The following FAM199X variants were observed in gnomAD, a reference collection of about 807,000 sequenced individuals.
FAM199X encodes protein FAM199X.
In FAM199X, 4 loss-of-function variants were observed where a neutral mutation model predicts 22.9. The ratio of observed to expected loss-of-function variants is 0.17; its 90% CI spans 0.09 to 0.40. The LOEUF is 0.40. FAM199X is among the 10% of genes least tolerant of loss of function. The probability of loss-of-function intolerance (pLI) is 1.00; values close to 1 mark genes in which losing one functional copy is unlikely to be tolerated. For synonymous variants in FAM199X, 101 were observed against 112.3 expected (o/e 0.90, Z 0.64); for missense variants, 183 against 306.8 (o/e 0.60, Z 3.01).
chrX:104,159,665 G>C, the FAM199X span, among the ~76,000 whole-genome samples: 1 of 111,919 alleles, frequency 8.9e-6, no homozygotes, highest in African/African-American at 3.3e-5. Flanking sequence ...TACACAGCTG[G>C]TGACCAGTTC....
upstream of FAM199X, among the ~76,000 whole-genome samples, chrX:104,163,258 G>A (rs1433396693): frequency 8.9e-6 from 1 of 111,761 alleles, no homozygotes; most frequent in African/African-American, 3.3e-5. Context: ...GACAATTCTC[G>A]ATACCACTCA....
At chrX:104,165,217 A>ATT (rs1921134327), upstream of FAM199X, among the ~76,000 whole-genome samples, 1 of 112,823 alleles carries the variant, frequency 8.9e-6, no homozygotes, top group East Asian at 2.8e-4. Flanking sequence ...AATCTCAATG[A>ATT]AAGAAAGCCG....
At chrX:104,179,031 G>C (rs782799950) in intron 2 of FAM199X, among the ~76,000 whole-genome samples, 1 of 111,926 alleles carries the variant, frequency 8.9e-6, no homozygotes, top group African/African-American at 3.2e-5. Flanking sequence ...TCAGGAGGCT[G>C]AGGTTGGAAG....
intron 4 of FAM199X, among the ~76,000 whole-genome samples, chrX:104,187,415 T>C (rs1921833752): frequency 8.9e-6 from 1 of 112,197 alleles, no homozygotes; most frequent in Admixed American, 9.4e-5. Flanking sequence ...TTTGCTGTTC[T>C]TTTTCTGGTA....
At chrX:104,171,261 A>AT (rs1423309625) in intron 1 of FAM199X, among the ~76,000 whole-genome samples, 56 of 105,519 alleles carry the variant, frequency 5.3e-4, no homozygotes, top group East Asian at 3.8e-3. Flanking sequence ...TCTTGGCTTT[A>AT]TTTTTTTTTT....
the FAM199X span, among the ~76,000 whole-genome samples, chrX:104,159,189 G>C: frequency 3.6e-5 from 4 of 112,298 alleles, no homozygotes; most frequent in Non-Finnish European, 7.5e-5. Flanking sequence ...GCAGAGGAAA[G>C]ACGAGCCAAC....
rs782461144 is a variant in FAM199X at position 104,189,712 on chromosome X, C to T, written c.1101C>T (p.Asn367=). 1.5e-5 allele frequency: 18 copies of T among 1,209,386 alleles called. No homozygotes were observed. Among genetic ancestry groups the T allele is most frequent in the Admixed American group, 6.6e-5 (3 of 45,753 alleles). The change falls in exon 6 of 6, where the codon AAC becomes AAT. Residue 367 remains asparagine (N), a synonymous_variant. Coordinates refer to ENST00000493442, the MANE Select transcript of FAM199X (RefSeq NM_207318.4). ...AGAGGCTCAGTGGGCTCTTCCTTAA[C>T]GAAGAGGTGCTGTCCTTGAAAGTGA... ...RKERLSGLFL[N]EEVLSLKVTE...
At chrX:104,180,638 A>G (rs1303581095) in intron 2 of FAM199X, among the ~76,000 whole-genome samples, 2 of 111,518 alleles carry the variant, frequency 1.8e-5, no homozygotes, top group African/African-American at 6.5e-5. Flanking sequence ...CGGATACTCT[A>G]TTACCATGGA....
chrX:104,159,720 G>A, the FAM199X span, among the ~76,000 whole-genome samples: 1 of 111,815 alleles, frequency 8.9e-6, no homozygotes, highest in African/African-American at 3.3e-5. Context: ...CAGCTGCTGT[G>A]GGTATTAGCT....
chrX:104,162,631 G>T (rs1182633173), upstream of FAM199X, among the ~76,000 whole-genome samples: 1 of 111,779 alleles, frequency 8.9e-6, no homozygotes, highest in Non-Finnish European at 1.9e-5. Flanking sequence ...TTCCTTAAAT[G>T]TCCACTGATC....
upstream of FAM199X, among the ~76,000 whole-genome samples, chrX:104,162,940 C>A (rs1921073956): frequency 2.7e-5 from 3 of 111,873 alleles, no homozygotes; most frequent in Admixed American, 2.9e-4. Context: ...CACCTTAAAT[C>A]AAACTTCCAA....
In FAM199X at chrX:104,166,679, CACACCCCGGAGCGTCGGCG is replaced by C; in HGVS notation, c.-104_-86del. 1.4e-6 allele frequency: 1 copy of C among 720,279 alleles called. No homozygotes were observed. The highest frequency in any genetic ancestry group is 1.9e-6 in the Non-Finnish European group (1 of 513,411). 59.4% of individuals were successfully genotyped at this position (720,279 alleles called of 1,213,427 possible). A position where few individuals can be genotyped will look rare whatever the true frequency, so the allele number is the denominator to read the frequency against. ...CAGCCTGCCAGTGAGCTGCGACGGG[CACACCCCGGAGCGTCGGCG>C]ACTGCGGACAGGTTAGAGTGGGGGC... On this transcript the variant is annotated 5_prime_UTR_variant, in exon 1 of 6. Transcript: ENST00000493442.
rs548747153 is a variant in FAM199X, at chrX:104,191,447, T to C, written c.*1669T>C. 3.2e-4 allele frequency: 36 copies of C among 111,912 alleles called. No homozygotes were observed. Among genetic ancestry groups the C allele is most frequent in the African/African-American group, 1.1e-3 (35 of 30,883 alleles). 9.2% of individuals were successfully genotyped at this position (111,912 alleles called of 1,213,427 possible). A position where few individuals can be genotyped will look rare whatever the true frequency, so the allele number is the denominator to read the frequency against. On this transcript the variant is annotated 3_prime_UTR_variant, in exon 6 of 6. Transcript: ENST00000493442. Reference sequence around the variant, plus strand: ...AAACATATGTGTCTATGGTTTTCAATTGGAGTAGTCTTTCTTACTTTCCCC... The same window carrying C: ...AAACATATGTGTCTATGGTTTTCAACTGGAGTAGTCTTTCTTACTTTCCCC...
intron 2 of FAM199X, 22 bp from the exon 3 acceptor site, chrX:104,186,044 C>A (rs369257220): frequency 8.4e-7 from 1 of 1,194,899 alleles, no homozygotes; most frequent in Non-Finnish European, 1.1e-6. Context: ...TCCTTCCCCA[C>A]ACCCTCCTTA....
rs782087785 is a variant in FAM199X at position 104,195,260 on chromosome X, A to T, written c.*5482A>T. On this transcript the variant is annotated 3_prime_UTR_variant, in exon 6 of 6. Coordinates refer to ENST00000493442, the MANE Select transcript of FAM199X (RefSeq NM_207318.4). ...CCCACTCACTGCTGCTTACTACTTT[A>T]TACTTCTGAGTCAGCTCCTTTCATG... 2 of 111,523 alleles carry T rather than the reference A, an allele frequency of 1.8e-5. No individual in the cohort carries two copies. Among genetic ancestry groups the T allele is most frequent in the Non-Finnish European group, 3.8e-5 (2 of 53,076 alleles). 9.2% of individuals were successfully genotyped at this position (111,523 alleles called of 1,213,427 possible).
intron 1 of FAM199X, among the ~76,000 whole-genome samples, chrX:104,167,764 T>C (rs1921251161): frequency 9.0e-6 from 1 of 110,756 alleles, no homozygotes; most frequent in Admixed American, 9.7e-5. Flanking sequence ...CAGTAGAAGG[T>C]AGTGTTCTGG....
chrX:104,164,250 G>A, upstream of FAM199X, among the ~76,000 whole-genome samples: 1 of 112,149 alleles, frequency 8.9e-6, no homozygotes, highest in South Asian at 3.7e-4. Flanking sequence ...ATGTCTTGGG[G>A]TTGACTCCAC....
At chrX:104,188,445 C>T in intron 5 of FAM199X, 139 bp downstream of exon 5, 2 of 748,696 alleles carry the variant, frequency 2.7e-6, no homozygotes, top group Non-Finnish European at 3.9e-6. Context: ...AAGCAGGATG[C>T]TCTGCTGTTG....
chrX:104,171,024 A>G (rs901280345), intron 1 of FAM199X, among the ~76,000 whole-genome samples: 14 of 111,349 alleles, frequency 1.3e-4, no homozygotes, highest in Non-Finnish European at 1.9e-4. Context: ...ATAGACTTCA[A>G]ATGACCTTCA....
Sources: gnomAD v4.1 joint callset for allele counts (sites outside exome capture counted in the v4.1 genomes callset) on GRCh38, gnomAD v4.1.1 for gene constraint, MANE v1.5 for transcripts, NCBI Gene and HGNC (gene_info 2026-07-23, HGNC 2026-07-21) for gene names.